PHF20: variants seen among roughly 807,000 people sequenced by gnomAD.
PHF20 encodes PHD finger protein 20, also known as glioma-expressed antigen 2.
Under a neutral mutation model 113.5 loss-of-function variants are expected in PHF20, and 23 were observed. The observed-to-expected ratio is 0.20, with a 90% CI of 0.15 to 0.29. The LOEUF (loss-of-function observed/expected upper bound fraction) is 0.29. Among genes scored for constraint, PHF20 ranks in the 10% least tolerant of loss-of-function variants. PHF20 has a pLI of 1.00. For missense variants in PHF20, 943 were observed against 1,219.6 expected (o/e 0.77, Z 3.38); for synonymous variants, 434 against 457.3 (o/e 0.95, Z 0.65).
At chr20:35,909,326 G>C (rs376213541) in intron 10 of PHF20, among the ~76,000 whole-genome samples, 4 of 151,910 alleles carry the variant, frequency 2.6e-5, no homozygotes, top group African/African-American at 9.6e-5. Flanking sequence ...TGAGGGACAG[G>C]GGGTGTTATC....
rs942213027 is a variant in PHF20, at chr20:35,919,654, T to C, written c.2004+1992T>C. 8.5e-5 allele frequency among the ~76,000 whole-genome samples: 13 copies of C among 152,330 alleles called. No homozygotes were observed. In the South Asian group the frequency reaches 2.7e-3, roughly 32 times the overall value. On this transcript the variant is annotated intron_variant, in intron 13 of 17. Coordinates refer to ENST00000374012, the MANE Select transcript of PHF20 (RefSeq NM_016436.5). ...CAGTTACATTTTTTCCTCTCATCTT[T>C]GAATTTGTTGTCTTTATACTCAACA...
intron 13 of PHF20, among the ~76,000 whole-genome samples, chr20:35,923,405 A>G (rs1449219622): frequency 1.3e-5 from 2 of 152,250 alleles, no homozygotes; most frequent in Admixed American, 1.3e-4. Context: ...GTTCAAAACC[A>G]GCTTGGGCAA....
In PHF20 at chr20:35,812,671, G is replaced by A. The variant is rs532220205; in HGVS notation, c.83+11066G>A. ...TGTTTCATATTGCATCACATCGGGG[G>A]ACACATAAAGCTAGGTCGTCCCACT... is the stretch of plus-strand genomic sequence containing the variant. On this transcript the variant is annotated intron_variant, in intron 2 of 17. Transcript: ENST00000374012. 2.0e-5 allele frequency among the ~76,000 whole-genome samples: 3 copies of A among 152,270 alleles called. No individual in the cohort carries two copies. In the South Asian group the frequency reaches 6.2e-4, roughly 32 times the overall value.
chr20:35,941,430 C>T (rs1165941322), intron 17 of PHF20, among the ~76,000 whole-genome samples: 1 of 152,164 alleles, frequency 6.6e-6, no homozygotes, highest in Non-Finnish European at 1.5e-5. Context: ...ATCTGAAAAA[C>T]CTCTTATTCC....
chr20:35,909,896 T>G (rs78814343), intron 10 of PHF20, among the ~76,000 whole-genome samples: 63 of 152,302 alleles, frequency 4.1e-4, no homozygotes, highest in Non-Finnish European at 6.9e-4. Flanking sequence ...TAAATACCTA[T>G]GTGATGTCAG....
intron 4 of PHF20, among the ~76,000 whole-genome samples, chr20:35,848,858 TAAAAAAAA>T (rs11472341): frequency 7.5e-6 from 1 of 133,432 alleles, no homozygotes; most frequent in South Asian, 2.4e-4. Flanking sequence ...CTCTGTCTCT[TAAAAAAAA>T]AAAAAAAAAG....
chr20:35,921,130 G>A (rs369093393), intron 13 of PHF20, among the ~76,000 whole-genome samples: 21 of 152,232 alleles, frequency 1.4e-4, no homozygotes, highest in African/African-American at 4.3e-4. Flanking sequence ...TGAGACAAGC[G>A]TGATGCACAT....
Position 35,870,935 on chromosome 20 carries a change from C to A in PHF20, c.923-20C>A. ...CTTCTTGTTGGTCTCTTGACTACAACTCTCTTAATGGTTTAATAGCCCAGG... is the reference window on the plus strand; with the variant it reads ...CTTCTTGTTGGTCTCTTGACTACAAATCTCTTAATGGTTTAATAGCCCAGG... On this transcript the variant is annotated intron_variant, in intron 7 of 17. Transcript: ENST00000374012. The A allele has an allele frequency of 6.4e-7, 1 of 1,557,678 alleles. No homozygotes were observed. The highest frequency in any genetic ancestry group is 1.2e-5 in the South Asian group (1 of 82,380).
chr20:35,778,753 CAAA>C (rs199913263), intron 1 of PHF20, among the ~76,000 whole-genome samples: 10 of 108,818 alleles, frequency 9.2e-5, no homozygotes, highest in Non-Finnish European at 7.8e-5. Flanking sequence ...AACTGTGTCT[CAAA>C]AAAAAAAAAA....
chr20:35,840,343 A>G (rs1332596767), intron 2 of PHF20, among the ~76,000 whole-genome samples: 1 of 152,092 alleles, frequency 6.6e-6, no homozygotes, highest in Non-Finnish European at 1.5e-5. Context: ...TCTCCCTCCT[A>G]TTTTTGCCCC....
At chr20:35,860,640 T>A (rs2054203112) in intron 5 of PHF20, among the ~76,000 whole-genome samples, 1 of 152,182 alleles carries the variant, frequency 6.6e-6, no homozygotes, top group Non-Finnish European at 1.5e-5. Flanking sequence ...ACAAAATTAT[T>A]ACATAAAGCT....
chr20:35,923,950 C>A (rs1839346185), intron 13 of PHF20, among the ~76,000 whole-genome samples: 1 of 151,876 alleles, frequency 6.6e-6, no homozygotes, highest in African/African-American at 2.4e-5. Flanking sequence ...GAGATGGAAT[C>A]TTGCTATGTT....
At chr20:35,860,912 C>T (rs1568665746) in intron 5 of PHF20, among the ~76,000 whole-genome samples, 7 of 152,132 alleles carry the variant, frequency 4.6e-5, no homozygotes. Flanking sequence ...TGATGGATAG[C>T]ACTCACAGTG....
intron 1 of PHF20, among the ~76,000 whole-genome samples, chr20:35,783,748 G>A (rs1253064578): frequency 2.0e-5 from 3 of 151,872 alleles, no homozygotes; most frequent in Non-Finnish European, 4.4e-5. Flanking sequence ...TTGGGAGGCC[G>A]AGGTGGGCGG....
chr20:35,905,460 G>A (rs1336552469), intron 10 of PHF20, among the ~76,000 whole-genome samples: 1 of 150,658 alleles, frequency 6.6e-6, no homozygotes. Flanking sequence ...CCTTCATGAT[G>A]GGATTAGTGG....
intron 9 of PHF20, among the ~76,000 whole-genome samples, chr20:35,897,451 C>CA (rs1258978891): frequency 1.3e-5 from 2 of 151,184 alleles, no homozygotes; most frequent in African/African-American, 4.9e-5. Flanking sequence ...TCAGAACATT[C>CA]AAAATCTGCT....
intron 1 of PHF20, among the ~76,000 whole-genome samples, chr20:35,800,393 C>A (rs2041755712): frequency 6.8e-6 from 1 of 146,104 alleles, no homozygotes; most frequent in Admixed American, 7.2e-5. Context: ...CCATTGCACT[C>A]CAGCCTGGGC....
chr20:35,801,867 A>G (rs978992023), intron 2 of PHF20: 4 of 301,282 alleles, frequency 1.3e-5, no homozygotes, highest in East Asian at 6.6e-5. Context: ...GAATGGCTAC[A>G]GGGAAGGGAA....
rs115952524 is a variant in PHF20, at chr20:35,792,665, G to A, written c.-32-8826G>A. Among the ~76,000 whole-genome samples the A allele has an allele frequency of 8.8e-3, 1,339 of 152,050 alleles. 22 individuals are homozygous for A. The highest frequency in any genetic ancestry group is 0.031 in the African/African-American group (1,278 of 41,448). ...TTGAACCAATTTGTCACTTCCCTACGACTAAAGATACGCTCTTTATGCACT... is the reference window on the plus strand; with the variant it reads ...TTGAACCAATTTGTCACTTCCCTACAACTAAAGATACGCTCTTTATGCACT... On this transcript the variant is annotated intron_variant, in intron 1 of 17. Coordinates refer to ENST00000374012, the MANE Select transcript of PHF20 (RefSeq NM_016436.5).
Sources: allele counts gnomAD v4.1 joint callset (sites outside exome capture counted in the v4.1 genomes callset), GRCh38; gene constraint gnomAD v4.1.1; transcripts MANE v1.5; gene names NCBI Gene and HGNC (gene_info 2026-07-23, HGNC 2026-07-21).